CACNA1B: variants seen among roughly 807,000 people sequenced by gnomAD.
The protein encoded by CACNA1B is voltage-dependent N-type calcium channel subunit alpha-1B.
Under a neutral mutation model 247.2 loss-of-function variants are expected in CACNA1B, and 70 were observed. The ratio of observed to expected loss-of-function variants is 0.28; its 90% CI spans 0.23 to 0.35. CACNA1B has a LOEUF of 0.35. CACNA1B is among the 10% of genes least tolerant of loss of function. The pLI is 1.00. For synonymous variants in CACNA1B, 1,231 were observed against 1,294.4 expected (o/e 0.95, Z 1.05); for missense variants, 2,367 against 3,197.4 (o/e 0.74, Z 6.26).
chr9:137,963,509 C>G (rs1434652868), intron 10 of CACNA1B, among the ~76,000 whole-genome samples: 3 of 152,200 alleles, frequency 2.0e-5, no homozygotes, highest in African/African-American at 7.2e-5. Flanking sequence ...ATTCTCCTGC[C>G]TCAGCCTTCC....
chr9:137,909,280 G>A (rs1957334306), intron 3 of CACNA1B, among the ~76,000 whole-genome samples: 1 of 152,176 alleles, frequency 6.6e-6, no homozygotes, highest in African/African-American at 2.4e-5. Flanking sequence ...GTGAGCCACT[G>A]CGCCCGGCTT....
At chr9:138,082,183 A>G (rs1402806971) in intron 36 of CACNA1B, among the ~76,000 whole-genome samples, 1 of 151,438 alleles carries the variant, frequency 6.6e-6, no homozygotes, top group Non-Finnish European at 1.5e-5. Context: ...ATCAAAGGAC[A>G]CTATCAACAG....
intron 15 of CACNA1B, among the ~76,000 whole-genome samples, chr9:137,993,758 C>A (rs1394521872): frequency 6.6e-6 from 1 of 152,078 alleles, no homozygotes; most frequent in East Asian, 1.9e-4. Flanking sequence ...GAGCAAAATT[C>A]TATCAGACAT....
rs113853498 is a variant in CACNA1B at position 137,955,926 on chromosome 9, G to A, written c.1186+113G>A. ...CTGGCTGCTGGGTAGAGCCTGAAGG[G>A]ATTTTGTAGTGAGCAGAGTGAGAAG... On this transcript the variant is annotated intron_variant, in intron 8 of 46. Transcript: ENST00000371372. The surrounding 1 kb of genome is among the most constrained non-coding windows in gnomAD (Gnocchi z 6.9). 6,891 of 732,274 alleles carry A rather than the reference G, an allele frequency of 9.4e-3. 56 individuals are homozygous for A. Among genetic ancestry groups the A allele is most frequent in the South Asian group, 0.013 (838 of 65,742 alleles). The allele number at this position is 732,274 out of a possible 1,614,324, so 45.4% of individuals were successfully genotyped here.
At position 137,882,923 on chromosome 9, in the gene CACNA1B, C is replaced by T. The variant is rs188958851; in HGVS notation, c.530+40C>T. The T allele has an allele frequency of 1.0e-4, 162 of 1,574,502 alleles. No homozygotes were observed. Among genetic ancestry groups the T allele is most frequent in the African/African-American group, 2.3e-4 (17 of 72,342 alleles). ...GCCAGGAGGCCCAGCGTGTGAGGCC[C>T]GGGCGTGTGCTCTCTGAAGCTCAGT... On this transcript the variant is annotated intron_variant, in intron 3 of 46. Coordinates refer to ENST00000371372, the MANE Select transcript of CACNA1B (RefSeq NM_000718.4). The surrounding 1 kb of genome is among the most constrained non-coding windows in gnomAD (Gnocchi z 4.0).
At chr9:138,088,884 G>A (rs113134317) in intron 36 of CACNA1B, among the ~76,000 whole-genome samples, 214 of 145,776 alleles carry the variant, frequency 1.5e-3, no homozygotes, top group African/African-American at 5.3e-3. Flanking sequence ...TCTTGAACCT[G>A]GGAGGCAGAG....
intron 37 of CACNA1B, among the ~76,000 whole-genome samples, chr9:138,096,890 G>A (rs1330185712): frequency 2.0e-5 from 3 of 150,624 alleles, no homozygotes; most frequent in Non-Finnish European, 3.0e-5. Flanking sequence ...GGTACCAGGA[G>A]TCATGGAAGG....
intron 6 of CACNA1B, among the ~76,000 whole-genome samples, chr9:137,948,548 A>C (rs1274110716): frequency 6.6e-6 from 1 of 151,824 alleles, no homozygotes; most frequent in East Asian, 1.9e-4. Context: ...GTAATCCAAA[A>C]AGTTATCAGA....
In CACNA1B at chr9:138,122,130, C is replaced by G. The variant is rs1177517714; in HGVS notation, c.*131C>G. ...CCTTGGTGAGGCTCCTGTGGCCCCT[C>G]CCTCCCCCTCCTCCCCTCTTTTACT... On this transcript the variant is annotated 3_prime_UTR_variant, in exon 47 of 47. Transcript: ENST00000371372. 2.7e-6 allele frequency: 2 copies of G among 733,366 alleles called. No homozygotes were observed. The highest frequency in any genetic ancestry group is 2.2e-6 in the Non-Finnish European group (1 of 457,428). 45.4% of individuals were successfully genotyped at this position (733,366 alleles called of 1,614,324 possible). A position where few individuals can be genotyped will look rare whatever the true frequency, so the allele number is the denominator to read the frequency against.
chr9:138,050,026 G>T lies in CACNA1B; in HGVS notation c.3710+711G>T. 7.8e-7 allele frequency: 1 copy of T among 1,281,636 alleles called. No individual in the cohort carries two copies. Among genetic ancestry groups the T allele is most frequent in the East Asian group, 5.6e-5 (1 of 17,966 alleles). 79.4% of individuals were successfully genotyped at this position (1,281,636 alleles called of 1,614,324 possible). ...CTGAGCGGCTGGGAGGGCTGCTCCT[G>T]GTGCCACTGACTCTGTTCTCTTTGT... On this transcript the variant is annotated intron_variant, in intron 24 of 46. Transcript: ENST00000371372. This position sits in a 1 kb window ranked among gnomAD's most constrained non-coding sequence, Gnocchi z 5.2.
chr9:137,994,368 A>G (rs764722415), intron 15 of CACNA1B, among the ~76,000 whole-genome samples: 2 of 152,394 alleles, frequency 1.3e-5, no homozygotes, highest in Admixed American at 6.5e-5. Flanking sequence ...AAGAGAAAGA[A>G]AGAAAGGGCA....
At chr9:137,968,358 C>T (rs560651841) in intron 10 of CACNA1B, among the ~76,000 whole-genome samples, 15 of 152,356 alleles carry the variant, frequency 9.8e-5, no homozygotes, top group East Asian at 1.9e-4. Context: ...TCGGCCCTGA[C>T]GCCTTGTCAG....
chr9:137,913,151 A>G lies in CACNA1B; in HGVS notation c.531-29A>G. Reference sequence around the variant, plus strand: ...TTCCAGGCTCAATGTGGAAACCTTTACTTCCCTTCTTCTCCTTGTTTCTGC... The same window carrying G: ...TTCCAGGCTCAATGTGGAAACCTTTGCTTCCCTTCTTCTCCTTGTTTCTGC... On this transcript the variant is annotated intron_variant, in intron 3 of 46. Coordinates refer to ENST00000371372, the MANE Select transcript of CACNA1B (RefSeq NM_000718.4). This position sits in a 1 kb window ranked among gnomAD's most constrained non-coding sequence, Gnocchi z 5.2. The G allele has an allele frequency of 4.5e-6, 7 of 1,569,060 alleles. No homozygotes were observed. Among genetic ancestry groups the G allele is most frequent in the South Asian group, 1.1e-5 (1 of 89,926 alleles).
In CACNA1B at chr9:137,882,904, A is replaced by G. The variant is rs1251320142; in HGVS notation, c.530+21A>G. The G allele has an allele frequency of 4.3e-6, 7 of 1,609,232 alleles. No homozygotes were observed. The highest frequency in any genetic ancestry group is 6.0e-6 in the Non-Finnish European group (7 of 1,176,242). On this transcript the variant is annotated intron_variant, in intron 3 of 46. Coordinates refer to ENST00000371372, the MANE Select transcript of CACNA1B (RefSeq NM_000718.4). The surrounding 1 kb of genome is among the most constrained non-coding windows in gnomAD (Gnocchi z 4.0). ...ACAGGGTAGGCAAGCTGAGGCCAGG[A>G]GGCCCAGCGTGTGAGGCCCGGGCGT...
intron 36 of CACNA1B, among the ~76,000 whole-genome samples, chr9:138,088,473 T>C (rs980454930): frequency 6.6e-6 from 1 of 151,994 alleles, no homozygotes; most frequent in African/African-American, 2.4e-5. Flanking sequence ...AAGGAGACAT[T>C]ACAACTAATA....
chr9:137,888,030 C>T lies in CACNA1B; in HGVS notation c.530+5147C>T, dbSNP rs1243543432. Among the ~76,000 whole-genome samples, 2 of 151,590 alleles carry T rather than the reference C, an allele frequency of 1.3e-5. No homozygotes were observed. Among genetic ancestry groups the T allele is most frequent in the African/African-American group, 2.4e-5 (1 of 41,194 alleles). ...TGGCGGGGGCAGGGGGGCCTTGGCT[C>T]GGGCGTTGGAGGGCTCTGAGCACAG... On this transcript the variant is annotated intron_variant, in intron 3 of 46. Coordinates refer to ENST00000371372, the MANE Select transcript of CACNA1B (RefSeq NM_000718.4). This position sits in a 1 kb window ranked among gnomAD's most constrained non-coding sequence, Gnocchi z 4.7.
In CACNA1B at chr9:137,917,152, G is replaced by T; in HGVS notation, c.776-89G>T. ...GGTGGCTGGTTCCTGCCCACCTGCT[G>T]TGAGCTCTCCAGAGCCCAGGAATCC... On this transcript the variant is annotated intron_variant, in intron 5 of 46. Coordinates refer to ENST00000371372, the MANE Select transcript of CACNA1B (RefSeq NM_000718.4). This position sits in a 1 kb window ranked among gnomAD's most constrained non-coding sequence, Gnocchi z 5.5. 8.1e-7 allele frequency: 1 copy of T among 1,240,880 alleles called. No individual in the cohort carries two copies. The highest frequency in any genetic ancestry group is 1.1e-6 in the Non-Finnish European group (1 of 885,932). 76.9% of individuals were successfully genotyped at this position (1,240,880 alleles called of 1,614,324 possible).
intron 11 of CACNA1B, 33 bp from the exon 12 acceptor site, chr9:137,975,874 G>C (rs200311857): frequency 7.3e-7 from 1 of 1,370,132 alleles, no homozygotes; most frequent in Non-Finnish European, 1.0e-6. Flanking sequence ...AGGAGGCCTC[G>C]AGCTAATCCC....
Position 137,955,324 on chromosome 9 carries a change from T to C in CACNA1B, c.1071-374T>C, listed in dbSNP as rs1412173942. ...CTGGAGGACAGCAGATAACAGAGCC[T>C]GGCACAAGGGGAGGGAGGAGGCGCA... On this transcript the variant is annotated intron_variant, in intron 7 of 46. Transcript: ENST00000371372. This position sits in a 1 kb window ranked among gnomAD's most constrained non-coding sequence, Gnocchi z 6.9. 6.6e-6 allele frequency among the ~76,000 whole-genome samples: 1 copy of C among 152,190 alleles called. No individual in the cohort carries two copies. The highest frequency in any genetic ancestry group is 1.5e-5 in the Non-Finnish European group (1 of 68,022).
Sources: gnomAD v4.1 joint callset for allele counts (sites outside exome capture counted in the v4.1 genomes callset) on GRCh38, gnomAD v4.1.1 for gene constraint, Gnocchi (gnomAD v3.1) non-coding constraint, MANE v1.5 for transcripts, NCBI Gene and HGNC (gene_info 2026-07-23, HGNC 2026-07-21) for gene names.